The following SNX29 variants were observed in gnomAD, a reference collection of about 807,000 sequenced individuals.
SNX29 encodes the protein sorting nexin-29.
Under a neutral mutation model 102.1 loss-of-function variants are expected in SNX29, and 78 were observed. That is an observed-to-expected ratio of 0.76 (90% CI 0.64 to 0.92). SNX29 has a LOEUF of 0.92. Ranked by LOEUF, SNX29 falls within the 40% of genes least tolerant of loss-of-function variation. The pLI is 0.00. For missense variants in SNX29, 1,280 were observed against 1,061.7 expected, an observed-to-expected ratio of 1.21 and a Z score of -2.86; for synonymous variants, 580 against 414.5, an observed-to-expected ratio of 1.40 and a Z score of -4.85.
At chr16:12,329,924 CCA>C (rs1348837117) in intron 15 of SNX29, among the ~76,000 whole-genome samples, 1 of 152,134 alleles carries the variant, frequency 6.6e-6, no homozygotes, top group African/African-American at 2.4e-5. Flanking sequence ...CTGTCTTGTT[CCA>C]AAAGGCATTT....
intron 11 of SNX29, chr16:12,089,745 G>T: frequency 3.5e-6 from 1 of 288,472 alleles, no homozygotes; most frequent in Non-Finnish European, 6.9e-6. Context: ...AGGACTTGAA[G>T]CAGGGGCGAT....
At chr16:12,540,550 C>T (rs1022545984) in intron 20 of SNX29, among the ~76,000 whole-genome samples, 2 of 152,192 alleles carry the variant, frequency 1.3e-5, no homozygotes, top group South Asian at 4.1e-4. Flanking sequence ...TGGCAGCCAC[C>T]CTATGCCATG....
At chr16:12,032,641 A>C (rs2057377020) in intron 4 of SNX29, among the ~76,000 whole-genome samples, 1 of 152,118 alleles carries the variant, frequency 6.6e-6, no homozygotes, top group South Asian at 2.1e-4. Flanking sequence ...ATATGAAGAT[A>C]CAAATACTTG....
At chr16:12,528,047 G>C (rs766756681) in intron 20 of SNX29, among the ~76,000 whole-genome samples, 1 of 151,294 alleles carries the variant, frequency 6.6e-6, no homozygotes. Context: ...GGATGGTCTC[G>C]ATCTCCTGAC....
At chr16:12,524,988 C>G (rs1383270599) in intron 20 of SNX29, 147 bp downstream of exon 20, 1 of 1,171,002 alleles carries the variant, frequency 8.5e-7, no homozygotes, top group Non-Finnish European at 1.2e-6. Flanking sequence ...TTCCAGGTGC[C>G]AAAGTGGAGG....
At chr16:12,548,122 A>T (rs1018510530) in intron 20 of SNX29, among the ~76,000 whole-genome samples, 1 of 152,198 alleles carries the variant, frequency 6.6e-6, no homozygotes, top group African/African-American at 2.4e-5. Context: ...TTCTTGGGAC[A>T]AGTAGGAATT....
At chr16:12,091,953 T>C (rs8048589) in intron 11 of SNX29, among the ~76,000 whole-genome samples, 35,875 of 152,018 alleles carry the variant, frequency 0.24, 4,327 homozygotes, top group African/African-American at 0.29. Context: ...AATCAGTCCC[T>C]GTCGTTCACA....
intron 18 of SNX29, among the ~76,000 whole-genome samples, chr16:12,462,679 A>T (rs1408115963): frequency 6.6e-6 from 1 of 152,186 alleles, no homozygotes; most frequent in Admixed American, 6.5e-5. Context: ...AGAATAAACA[A>T]GGGTCCAGCT....
chr16:11,976,744 C>G lies in SNX29; in HGVS notation c.-63C>G. The G allele has an allele frequency of 8.2e-7, 1 of 1,225,570 alleles. No individual in the cohort carries two copies. Among genetic ancestry groups the G allele is most frequent in the South Asian group, 2.3e-5 (1 of 43,088 alleles). 75.9% of individuals were successfully genotyped at this position (1,225,570 alleles called of 1,614,324 possible). The stretch of plus-strand genomic sequence containing the variant: ...CCTGTCTCCCGGCCTGTCTGGAGCT[C>G]GGCAGCCGCAGAAGCGGCAGCGGCG... On this transcript the variant is annotated 5_prime_UTR_variant, in exon 1 of 21. Transcript: ENST00000566228.
chr16:12,285,752 A>G (rs1396132683), intron 15 of SNX29, among the ~76,000 whole-genome samples: 2 of 152,234 alleles, frequency 1.3e-5, no homozygotes, highest in Non-Finnish European at 2.9e-5. Flanking sequence ...GCTTTTCAAT[A>G]AAATACTGGA....
chr16:12,097,469 T>C (rs2052815886), intron 11 of SNX29, among the ~76,000 whole-genome samples: 1 of 152,198 alleles, frequency 6.6e-6, no homozygotes, highest in Admixed American at 6.5e-5. Context: ...TTGTCTGTGG[T>C]TAATGATCCA....
At chr16:12,559,744 G>T (rs1220148112) in intron 20 of SNX29, among the ~76,000 whole-genome samples, 1 of 152,066 alleles carries the variant, frequency 6.6e-6, no homozygotes, top group Non-Finnish European at 1.5e-5. Context: ...AAATAGTGAT[G>T]CCCAGCCTGA....
At chr16:11,986,349 G>C (rs1277513245) in intron 1 of SNX29, among the ~76,000 whole-genome samples, 1 of 139,262 alleles carries the variant, frequency 7.2e-6, no homozygotes, top group African/African-American at 2.7e-5. Context: ...GTGTTTCTTG[G>C]AATCTGCTCT....
intron 13 of SNX29, among the ~76,000 whole-genome samples, chr16:12,176,984 G>A (rs550644307): frequency 1.3e-5 from 2 of 152,134 alleles, no homozygotes; most frequent in South Asian, 2.1e-4. Context: ...GTCTCAATTT[G>A]TCATCCAGGC....
intron 20 of SNX29, among the ~76,000 whole-genome samples, chr16:12,541,624 G>A (rs1036961731): frequency 6.6e-6 from 1 of 152,160 alleles, no homozygotes; most frequent in South Asian, 2.1e-4. Context: ...ATCTCTGTCG[G>A]GGTCCATCGC....
chr16:12,547,173 G>A (rs1022594797), intron 20 of SNX29, among the ~76,000 whole-genome samples: 1 of 152,212 alleles, frequency 6.6e-6, no homozygotes, highest in Non-Finnish European at 1.5e-5. Flanking sequence ...GCTGTTTATG[G>A]TCTAGGAAGA....
Position 12,167,597 on chromosome 16 carries a change from A to G in SNX29, c.1596-32004A>G, listed in dbSNP as rs117687835. ...CCACCATTAAGTAATGATGATTATG[A>G]TGACTGCAGCTCACATTTATTGAGT... is the stretch of plus-strand genomic sequence containing the variant. On this transcript the variant is annotated intron_variant, in intron 13 of 20. Transcript: ENST00000566228. Among the ~76,000 whole-genome samples the G allele has an allele frequency of 2.1e-3, 317 of 152,308 alleles. 1 individual carries two copies. The East Asian group carries it at 0.041, about 20-fold the overall frequency.
chr16:12,499,395 C>A (rs963526165), intron 19 of SNX29, among the ~76,000 whole-genome samples: 2 of 152,166 alleles, frequency 1.3e-5, no homozygotes, highest in African/African-American at 4.8e-5. Context: ...TGCCAGCACC[C>A]GAGCAGGGCA....
At chr16:12,544,511 TTC>T (rs1327379190) in intron 20 of SNX29, among the ~76,000 whole-genome samples, 1 of 152,208 alleles carries the variant, frequency 6.6e-6, no homozygotes, top group Non-Finnish European at 1.5e-5. Context: ...GATGGCATTT[TTC>T]TGTGGGGAAT....
Sources: allele counts gnomAD v4.1 joint callset (sites outside exome capture counted in the v4.1 genomes callset), GRCh38; gene constraint gnomAD v4.1.1; transcripts MANE v1.5; gene names NCBI Gene and HGNC (gene_info 2026-07-23, HGNC 2026-07-21).